The following PDE1C variants were observed in gnomAD, a reference collection of about 807,000 sequenced individuals.
The protein encoded by PDE1C is dual specificity calcium/calmodulin-dependent 3',5'-cyclic nucleotide phosphodiesterase 1C.
PDE1C carries 62 observed loss-of-function variants against 93.1 expected under a neutral mutation model. That is an observed-to-expected ratio of 0.67 (90% confidence interval 0.54 to 0.82). PDE1C has a LOEUF of 0.82. Ranked by LOEUF, PDE1C falls within the 40% of genes least tolerant of loss-of-function variation. The pLI is 0.00. For missense variants in PDE1C, 742 were observed against 884.6 expected (o/e 0.84, Z 2.04); for synonymous variants, 325 against 310.1 (o/e 1.05, Z -0.50).
chr7:31,877,764 C>A (rs1201482016), intron 5 of PDE1C, among the ~76,000 whole-genome samples: 1 of 150,324 alleles, frequency 6.7e-6, no homozygotes, highest in Non-Finnish European at 1.5e-5. Context: ...GAAACCCACA[C>A]AGAGTTTGAT....
In PDE1C at chr7:32,203,146, C is replaced by T. The variant is rs150546826; in HGVS notation, c.136+6343G>A. 4.4e-3 allele frequency among the ~76,000 whole-genome samples: 676 copies of T among 152,074 alleles called. 7 individuals are homozygous for T. The highest frequency in any genetic ancestry group is 0.015 in the African/African-American group (634 of 41,458). ...CTGTCTCAAACGTAGTACATGCCCC[C>T]GAGAACACTGAAAGCCCAGCCACCA... On this transcript the variant is annotated intron_variant, in intron 2 of 18. Transcript: ENST00000396193.
chr7:31,836,795 A>T (rs1449138066), intron 11 of PDE1C, among the ~76,000 whole-genome samples: 1 of 152,118 alleles, frequency 6.6e-6, no homozygotes, highest in Non-Finnish European at 1.5e-5. Flanking sequence ...AAACAACCCA[A>T]CCAATTATAA....
At chr7:31,737,782 G>A in the PDE1C span, among the ~76,000 whole-genome samples, 1 of 144,622 alleles carries the variant, frequency 6.9e-6, no homozygotes. Flanking sequence ...GCCTGGGTGA[G>A]AGAGCGACAC....
rs78964919 is a variant in PDE1C at position 32,101,903 on chromosome 7, G to A, written c.308+67882C>T. 4.2e-3 allele frequency among the ~76,000 whole-genome samples: 632 copies of A among 152,268 alleles called. 2 individuals carry two copies. Among genetic ancestry groups the A allele is most frequent in the Non-Finnish European group, 7.4e-3 (504 of 68,024 alleles). On this transcript the variant is annotated intron_variant, in intron 3 of 18. Transcript: ENST00000396193. ...ACAATCATGATGGAAGGTGAAGGAG[G>A]AGCCAGTGTGTCACATGGCAATAGA...
In PDE1C at chr7:32,418,233, A is replaced by T. The variant is rs192989039; in HGVS notation, c.310+9589T>A. ...CATGGCAGTAGCAAGTTGGCCAATTATTTTTTTATCAGCCTCAAGCTGCTA... is the reference window on the plus strand; with the variant it reads ...CATGGCAGTAGCAAGTTGGCCAATTTTTTTTTTATCAGCCTCAAGCTGCTA... On this transcript the variant is annotated intron_variant, in intron 1 of 1. Coordinates refer to the PDE1C transcript ENST00000672256. Among the ~76,000 whole-genome samples the T allele has an allele frequency of 8.6e-3, 1,209 of 139,892 alleles. 17 individuals are homozygous for T. The highest frequency in any genetic ancestry group is 0.038 in the African/African-American group (1,137 of 29,944). The allele number at this position is 139,892 out of a possible 152,430, so 91.8% of individuals were successfully genotyped here. A position where few individuals can be genotyped will look rare whatever the true frequency, so the allele number is the denominator to read the frequency against.
At chr7:32,357,554 G>A (rs930491531) in intron 1 of PDE1C, among the ~76,000 whole-genome samples, 1 of 152,146 alleles carries the variant, frequency 6.6e-6, no homozygotes, top group South Asian at 2.1e-4. Flanking sequence ...GTTGAGAAAG[G>A]CTTAGAAAGT....
intron 16 of PDE1C, among the ~76,000 whole-genome samples, chr7:31,776,927 G>T (rs1426746919): frequency 4.1e-5 from 6 of 144,652 alleles, no homozygotes; most frequent in Non-Finnish European, 8.9e-5. Flanking sequence ...TGGAAGCTGT[G>T]CTGATTGAGA....
intron 2 of PDE1C, among the ~76,000 whole-genome samples, chr7:31,949,028 G>A (rs1041172698): frequency 3.3e-5 from 5 of 152,156 alleles, no homozygotes; most frequent in African/African-American, 4.8e-5. Context: ...TGTCTCCAGT[G>A]AGAGATTATA....
chr7:32,012,435 G>T (rs947872662), intron 2 of PDE1C, among the ~76,000 whole-genome samples: 2 of 152,148 alleles, frequency 1.3e-5, no homozygotes, highest in Admixed American at 1.3e-4. Context: ...CCACCCTCAT[G>T]ACCCAACCAC....
At chr7:31,627,658 T>TGAAAA in the PDE1C span, among the ~76,000 whole-genome samples, 1 of 7,378 alleles carries the variant, frequency 1.4e-4, no homozygotes, top group East Asian at 6.0e-3. Flanking sequence ...AGACACTGTC[T>TGAAAA]CAAAAAAAAA....
chr7:31,866,024 T>A (rs2128842552), intron 6 of PDE1C, among the ~76,000 whole-genome samples: 1 of 152,320 alleles, frequency 6.6e-6, no homozygotes, highest in Middle Eastern at 3.4e-3. Context: ...ATAATATACA[T>A]GCCTTCCTTT....
chr7:31,931,626 A>T (rs912072195), intron 2 of PDE1C, among the ~76,000 whole-genome samples: 4 of 152,216 alleles, frequency 2.6e-5, no homozygotes, highest in African/African-American at 7.2e-5. Flanking sequence ...ATGCTCATGG[A>T]TAGGAAGAAT....
chr7:31,792,764 A>T (rs2128665349), intron 16 of PDE1C, among the ~76,000 whole-genome samples: 1 of 152,248 alleles, frequency 6.6e-6, no homozygotes, highest in South Asian at 2.1e-4. Flanking sequence ...TACAAAGTAT[A>T]TGAAAATGAG....
chr7:32,009,420 C>T (rs942456192), intron 2 of PDE1C, among the ~76,000 whole-genome samples: 2 of 152,164 alleles, frequency 1.3e-5, no homozygotes, highest in South Asian at 2.1e-4. Context: ...ACTTGAGTAT[C>T]CAGCTAAGTA....
chr7:31,664,281 A>C, the PDE1C span, among the ~76,000 whole-genome samples: 1 of 151,572 alleles, frequency 6.6e-6, no homozygotes, highest in Non-Finnish European at 1.5e-5. Flanking sequence ...AAGTTGAAAG[A>C]TGTACTTACG....
intron 17 of PDE1C, among the ~76,000 whole-genome samples, chr7:31,767,655 G>C (rs1795227109): frequency 6.6e-6 from 1 of 152,116 alleles, no homozygotes; most frequent in Non-Finnish European, 1.5e-5. Flanking sequence ...AGTCAGCTTG[G>C]GCTGCTATAA....
chr7:31,959,985 C>T (rs1422486577), intron 2 of PDE1C, among the ~76,000 whole-genome samples: 1 of 151,912 alleles, frequency 6.6e-6, no homozygotes, highest in East Asian at 1.9e-4. Context: ...CCTGCCTCAG[C>T]CTCCTATATA....
At chr7:32,189,859 G>A (rs896159624) in intron 2 of PDE1C, among the ~76,000 whole-genome samples, 10 of 152,146 alleles carry the variant, frequency 6.6e-5, no homozygotes, top group African/African-American at 2.2e-4. Flanking sequence ...AAACTCCTAT[G>A]GGAAAGAACT....
intron 2 of PDE1C, among the ~76,000 whole-genome samples, chr7:31,969,181 A>T (rs1353186455): frequency 6.6e-6 from 1 of 152,196 alleles, no homozygotes; most frequent in African/African-American, 2.4e-5. Flanking sequence ...CAGCAAAATA[A>T]ACTACCATCA....
Sources: gnomAD v4.1 joint callset for allele counts (sites outside exome capture counted in the v4.1 genomes callset) on GRCh38, gnomAD v4.1.1 for gene constraint, MANE v1.5 for transcripts, NCBI Gene and HGNC (gene_info 2026-07-23, HGNC 2026-07-21) for gene names.